The following ARL15 variants were observed in gnomAD, a reference collection of about 807,000 sequenced individuals.
ARL15 encodes ADP-ribosylation factor-like protein 15.
A neutral mutation model predicts 25.2 loss-of-function variants in ARL15; 19 were observed. The ratio of observed to expected loss-of-function variants is 0.75; its 90% CI spans 0.53 to 1.10. The LOEUF (loss-of-function observed/expected upper bound fraction) is 1.10. Ranked by LOEUF, ARL15 falls within the 50% of genes least tolerant of loss-of-function variation. The pLI, the probability that ARL15 is intolerant of heterozygous loss-of-function variation, is 0.00. For missense variants in ARL15, 220 were observed against 246.0 expected (o/e 0.89, Z 0.71); for synonymous variants, 94 against 86.8 (o/e 1.08, Z -0.46).
At chr5:54,261,999 C>A (rs984052699) in intron 1 of ARL15, among the ~76,000 whole-genome samples, 1 of 152,170 alleles carries the variant, frequency 6.6e-6, no homozygotes, top group Admixed American at 6.5e-5. Flanking sequence ...AAGACCTTTT[C>A]TAAAAATCAT....
chr5:54,106,151 TTTG>T (rs1752584415), intron 4 of ARL15, among the ~76,000 whole-genome samples: 13 of 152,210 alleles, frequency 8.5e-5, no homozygotes, highest in Admixed American at 7.9e-4. Context: ...AAATCAAACA[TTTG>T]TAAATACGAT....
intron 1 of ARL15, among the ~76,000 whole-genome samples, chr5:54,271,407 C>T (rs1156317314): frequency 6.6e-6 from 1 of 152,136 alleles, no homozygotes; most frequent in Non-Finnish European, 1.5e-5. Context: ...CATCCTCCTA[C>T]ATACTTTAAA....
At chr5:54,117,982 AT>A in intron 3 of ARL15, among the ~76,000 whole-genome samples, 1 of 152,270 alleles carries the variant, frequency 6.6e-6, no homozygotes, top group Non-Finnish European at 1.5e-5. Context: ...ATCTGTAAAC[AT>A]TTGGAAGCTC....
At chr5:53,945,915 G>T (rs1746710799) in intron 4 of ARL15, among the ~76,000 whole-genome samples, 1 of 152,198 alleles carries the variant, frequency 6.6e-6, no homozygotes, top group African/African-American at 2.4e-5. Flanking sequence ...GAGGTACCCA[G>T]CATCAGACAG....
intron 4 of ARL15, among the ~76,000 whole-genome samples, chr5:54,029,372 C>T (rs148382134): frequency 0.021 from 2,955 of 137,988 alleles, 119 homozygotes; most frequent in African/African-American, 0.081. Context: ...CCACCACCAC[C>T]ACCACTACAC....
intron 1 of ARL15, among the ~76,000 whole-genome samples, chr5:54,286,028 G>A (rs984404484): frequency 5.3e-4 from 81 of 152,064 alleles, no homozygotes; most frequent in African/African-American, 1.8e-3. Flanking sequence ...CCTTCTGTTA[G>A]TATTGTCACT....
intron 1 of ARL15, among the ~76,000 whole-genome samples, chr5:54,201,543 C>T (rs1755724094): frequency 6.6e-6 from 1 of 152,076 alleles, no homozygotes; most frequent in Non-Finnish European, 1.5e-5. Context: ...GTCTGATCAC[C>T]CCAGCCAGTC....
intron 4 of ARL15, among the ~76,000 whole-genome samples, chr5:53,969,519 G>A (rs983460643): frequency 2.0e-5 from 3 of 152,162 alleles, no homozygotes; most frequent in African/African-American, 7.2e-5. Context: ...GGAGCAAAAT[G>A]CAGAGTGAAC....
At chr5:53,919,881 T>C (rs1745789670) in intron 4 of ARL15, among the ~76,000 whole-genome samples, 1 of 152,216 alleles carries the variant, frequency 6.6e-6, no homozygotes, top group Admixed American at 6.5e-5. Context: ...GTCCTGCCAT[T>C]TTCTAATCAA....
chr5:53,939,558 A>G (rs533388719), intron 4 of ARL15, among the ~76,000 whole-genome samples: 1 of 152,162 alleles, frequency 6.6e-6, no homozygotes, highest in African/African-American at 2.4e-5. Flanking sequence ...AACATGATGA[A>G]ACCCTGTCTC....
At chr5:54,304,207 T>G (rs1324065867) in intron 1 of ARL15, among the ~76,000 whole-genome samples, 6 of 152,188 alleles carry the variant, frequency 3.9e-5, no homozygotes, top group Admixed American at 1.3e-4. Flanking sequence ...TACTTGTAGG[T>G]GGAAGGCAAT....
intron 4 of ARL15, among the ~76,000 whole-genome samples, chr5:54,046,532 G>C (rs956771192): frequency 6.6e-6 from 1 of 151,994 alleles, no homozygotes; most frequent in Non-Finnish European, 1.5e-5. Context: ...TAGAATGAAA[G>C]TGTTTGAAAA....
intron 4 of ARL15, among the ~76,000 whole-genome samples, chr5:53,917,411 A>C (rs1220286190): frequency 6.6e-6 from 1 of 152,220 alleles, no homozygotes; most frequent in African/African-American, 2.4e-5. Flanking sequence ...TTCATTCTTC[A>C]GAAATAGAAG....
intron 3 of ARL15, among the ~76,000 whole-genome samples, chr5:54,122,999 G>A (rs891998052): frequency 2.0e-5 from 3 of 152,108 alleles, no homozygotes; most frequent in African/African-American, 4.8e-5. Flanking sequence ...TAATTAATGA[G>A]TGAATGGGGA....
At position 54,199,587 on chromosome 5, in the gene ARL15, C is replaced by T. The variant is rs9765152; in HGVS notation, c.49-27659G>A. On this transcript the variant is annotated intron_variant, in intron 1 of 4. Transcript: ENST00000504924. Reference sequence around the variant, plus strand: ...ATCAGAGAAATGCAAATCAAAACCACAATGAGATATCATCTCACACCAGTT... The same window carrying T: ...ATCAGAGAAATGCAAATCAAAACCATAATGAGATATCATCTCACACCAGTT... Among the ~76,000 whole-genome samples the T allele has an allele frequency of 8.4e-3, 1,275 of 151,664 alleles. 12 individuals carry two copies. Among genetic ancestry groups the T allele is most frequent in the African/African-American group, 0.024 (989 of 41,328 alleles).
At chr5:53,972,487 C>A (rs529237011) in intron 4 of ARL15, among the ~76,000 whole-genome samples, 1 of 152,070 alleles carries the variant, frequency 6.6e-6, no homozygotes, top group Non-Finnish European at 1.5e-5. Context: ...GTCATTTAAT[C>A]TTTCCGGGTC....
At chr5:54,179,608 A>G (rs1169441747) in intron 1 of ARL15, among the ~76,000 whole-genome samples, 1 of 151,898 alleles carries the variant, frequency 6.6e-6, no homozygotes, top group Non-Finnish European at 1.5e-5. Flanking sequence ...AGGAGAGGAG[A>G]TTGACTGGGA....
intron 4 of ARL15, among the ~76,000 whole-genome samples, chr5:54,091,117 G>A (rs77343629): frequency 0.012 from 1,805 of 152,056 alleles, 43 homozygotes; most frequent in African/African-American, 0.042. Flanking sequence ...TCAGACCATG[G>A]GGAAAATCTT....
intron 4 of ARL15, among the ~76,000 whole-genome samples, chr5:54,098,673 A>G (rs1014080432): frequency 1.3e-5 from 2 of 152,218 alleles, no homozygotes; most frequent in African/African-American, 2.4e-5. Flanking sequence ...TATAAGGAAT[A>G]CAGAGATACG....
Sources: allele counts gnomAD v4.1 joint callset (sites outside exome capture counted in the v4.1 genomes callset), GRCh38; gene constraint gnomAD v4.1.1; transcripts MANE v1.5; gene names NCBI Gene and HGNC (gene_info 2026-07-23, HGNC 2026-07-21).